Variants in CYFIP1 observed in about 807,000 individuals in gnomAD.
CYFIP1 encodes the protein cytoplasmic FMR1 interacting protein 1, also known as cytoplasmic FMR1-interacting protein 1.
CYFIP1 carries 58 observed loss-of-function variants against 163.5 expected under a neutral mutation model. The observed-to-expected ratio is 0.35, with a 90% confidence interval of 0.29 to 0.44. The LOEUF is 0.44. CYFIP1 is among the 20% of genes least tolerant of loss of function. The pLI is 1.00. For missense variants in CYFIP1, 1,338 were observed against 1,653.8 expected (o/e 0.81, Z 3.31); for synonymous variants, 663 against 660.7 (o/e 1.00, Z -0.05).
chr15:22,935,823 T>C (rs552121626), intron 9 of CYFIP1, among the ~76,000 whole-genome samples: 2 of 152,316 alleles, frequency 1.3e-5, no homozygotes, highest in South Asian at 4.1e-4. Flanking sequence ...GTAATGGACA[T>C]GTTAAATTAG....
intron 13 of CYFIP1, among the ~76,000 whole-genome samples, chr15:22,921,827 T>C (rs1299000522): frequency 1.3e-5 from 2 of 150,598 alleles, no homozygotes; most frequent in South Asian, 4.2e-4. Context: ...AAGGGGACAT[T>C]AGCAGTTTAT....
In CYFIP1 at chr15:22,916,609, G is replaced by C. The variant is rs757293015; in HGVS notation, c.1696C>G (p.Leu566Val). ...STQLYMVRTMLESLIADKSGS... is the reference protein window; with the variant it reads ...STQLYMVRTMVESLIADKSGS... ...CTTTTGTCTGCAATGAGGGACTCTA[G>C]CATGGTTCTCACCATGTAAAGCTGG... The change falls in exon 16 of 31, where the codon CTA (leucine) becomes GTA (valine). Residue 566 changes from leucine to valine, a missense_variant. Around this residue, in one of 4 missense-constraint regions of CYFIP1, gnomAD observed 824 missense variants for 995.7 expected, o/e 0.83. Coordinates refer to ENST00000617928, the MANE Select transcript of CYFIP1 (RefSeq NM_014608.6). The C allele has an allele frequency of 1.9e-6, 3 of 1,613,830 alleles. No individual in the cohort carries two copies. Among genetic ancestry groups the C allele is most frequent in the African/African-American group, 2.7e-5 (2 of 74,912 alleles).
At position 22,943,082 on chromosome 15, in the gene CYFIP1, GCAAA is replaced by G. The variant is rs925269610; in HGVS notation, c.569+87_569+90del. ...CTGCCTACCAGAAGTGACGACTTCA[GCAAA>G]CAAAGACGCACACCTGCTGTGCACA... On this transcript the variant is annotated intron_variant, in intron 6 of 30. Coordinates refer to ENST00000617928, the MANE Select transcript of CYFIP1 (RefSeq NM_014608.6). 105 of 1,292,702 alleles carry G rather than the reference GCAAA, an allele frequency of 8.1e-5. 1 individual carries two copies. The African/African-American group carries it at 1.5e-3, about 18-fold the overall frequency. 80.1% of individuals were successfully genotyped at this position (1,292,702 alleles called of 1,614,324 possible). A position where few individuals can be genotyped will look rare whatever the true frequency, so the allele number is the denominator to read the frequency against.
At chr15:22,977,774 T>G (rs2063326938) in intron 1 of CYFIP1, among the ~76,000 whole-genome samples, 1 of 150,840 alleles carries the variant, frequency 6.6e-6, no homozygotes, top group African/African-American at 2.4e-5. Context: ...GAAGTTGCAG[T>G]GAGCCGAGAT....
intron 1 of CYFIP1, among the ~76,000 whole-genome samples, chr15:22,955,567 C>A (rs2062419010): frequency 1.3e-5 from 1 of 75,716 alleles, no homozygotes; most frequent in Non-Finnish European, 3.0e-5. Flanking sequence ...CTGGCCCCAG[C>A]AGAGCCCTGA....
chr15:22,918,266 C>T (rs560994190), intron 14 of CYFIP1, among the ~76,000 whole-genome samples: 1 of 152,274 alleles, frequency 6.6e-6, no homozygotes, highest in South Asian at 2.1e-4. Context: ...AGAGCTGGGC[C>T]CCGCCTGCCC....
At chr15:22,928,124 C>A (rs530862961) in intron 11 of CYFIP1, 96 bp from the exon 12 acceptor site, 2 of 1,359,024 alleles carry the variant, frequency 1.5e-6, no homozygotes, top group South Asian at 1.6e-5. Flanking sequence ...CAAAGTCACA[C>A]GTGTGAAAAT....
At chr15:22,942,158 G>C (rs1257504830) in intron 6 of CYFIP1, among the ~76,000 whole-genome samples, 1 of 152,208 alleles carries the variant, frequency 6.6e-6, no homozygotes, top group Non-Finnish European at 1.5e-5. Flanking sequence ...CATGAATGAG[G>C]CTTAAAATTC....
At chr15:22,894,261 T>C (rs1408275306) in intron 22 of CYFIP1, among the ~76,000 whole-genome samples, 1 of 149,320 alleles carries the variant, frequency 6.7e-6, no homozygotes, top group Non-Finnish European at 1.5e-5. Flanking sequence ...ATGCCACTTA[T>C]ATTACAGCAG....
chr15:22,893,679 G>T (rs912960853), intron 22 of CYFIP1, among the ~76,000 whole-genome samples: 1 of 152,160 alleles, frequency 6.6e-6, no homozygotes, highest in Non-Finnish European at 1.5e-5. Flanking sequence ...GTGCATCTGA[G>T]AGGACGTGCT....
chr15:22,980,123 G>A (rs1274643389), intron 1 of CYFIP1, among the ~76,000 whole-genome samples, 164 bp downstream of exon 1: 1 of 135,726 alleles, frequency 7.4e-6, no homozygotes, highest in Admixed American at 8.0e-5. Flanking sequence ...CGGGGACCAG[G>A]ACGATCCCGG....
intron 1 of CYFIP1, among the ~76,000 whole-genome samples, chr15:22,950,578 C>T (rs940231293): frequency 3.9e-5 from 6 of 152,244 alleles, no homozygotes; most frequent in African/African-American, 1.4e-4. Context: ...CAGAGGTCAA[C>T]TGCACTCCAA....
intron 1 of CYFIP1, among the ~76,000 whole-genome samples, chr15:22,963,536 TAACATAACATAACATAACATAAGA>T (rs1178415598): frequency 2.8e-5 from 4 of 145,426 alleles, no homozygotes; most frequent in Admixed American, 6.8e-5. Flanking sequence ...TAACATAACA[TAACATAACATAACATAACATAAGA>T]AAGAATGAAA....
intron 16 of CYFIP1, among the ~76,000 whole-genome samples, chr15:22,916,003 G>A (rs1462282690): frequency 2.0e-5 from 3 of 152,196 alleles, no homozygotes; most frequent in African/African-American, 7.2e-5. Flanking sequence ...GGACAACGGA[G>A]GACTTGATGA....
chr15:22,912,764 T>C (rs1406905124), intron 17 of CYFIP1, among the ~76,000 whole-genome samples: 3 of 151,722 alleles, frequency 2.0e-5, no homozygotes. Flanking sequence ...CTAACAAAAC[T>C]ACAAAAAACT....
intron 1 of CYFIP1, among the ~76,000 whole-genome samples, chr15:22,972,041 G>A (rs1031638162): frequency 2.6e-5 from 4 of 152,108 alleles, no homozygotes; most frequent in African/African-American, 4.8e-5. Flanking sequence ...AATAGAAAAA[G>A]AAATCCTAAA....
At position 22,935,739 on chromosome 15, in the gene CYFIP1, T is replaced by A. The variant is rs150153691; in HGVS notation, c.900+1365A>T. ...AGTAGCTATGGTTAATAACAATGCA[T>A]TGAATGCTTAAAATATGCTAAAAGA... On this transcript the variant is annotated intron_variant, in intron 9 of 30. Transcript: ENST00000617928. 4.0e-3 allele frequency among the ~76,000 whole-genome samples: 612 copies of A among 152,312 alleles called. 4 individuals are homozygous for A. Among genetic ancestry groups the A allele is most frequent in the African/African-American group, 0.014 (569 of 41,568 alleles).
intron 8 of CYFIP1, 134 bp downstream of exon 8, chr15:22,939,058 C>G: frequency 1.2e-5 from 13 of 1,076,466 alleles, no homozygotes; most frequent in Non-Finnish European, 1.8e-5. Flanking sequence ...TGTGCAAGGG[C>G]AGGACGCTGT....
chr15:22,922,392 G>A (rs933091379), intron 13 of CYFIP1, among the ~76,000 whole-genome samples: 2 of 152,218 alleles, frequency 1.3e-5, no homozygotes, highest in Admixed American at 6.5e-5. Context: ...ACACATCATC[G>A]CTGGGAGAAA....
Sources: gnomAD v4.1 joint callset for allele counts (sites outside exome capture counted in the v4.1 genomes callset) on GRCh38, gnomAD v4.1.1 for gene constraint, gnomAD v4.1.1 regional missense constraint, MANE v1.5 for transcripts, NCBI Gene and HGNC (gene_info 2026-07-23, HGNC 2026-07-21) for gene names.